Variants in GARRE1 observed in about 807,000 individuals in gnomAD.
The protein encoded by GARRE1 is granule associated Rac and RHOG effector protein 1.
GARRE1 carries 49 observed loss-of-function variants against 103.2 expected under a neutral mutation model. That is an observed-to-expected ratio of 0.47 (90% CI 0.38 to 0.60). GARRE1 has a LOEUF of 0.60. GARRE1 is among the 20% of genes least tolerant of loss of function. The pLI is 0.00. For missense variants in GARRE1, 1,199 were observed against 1,370.5 expected, an observed-to-expected ratio of 0.87 and a Z score of 1.98; for synonymous variants, 505 against 532.8, an observed-to-expected ratio of 0.95 and a Z score of 0.72.
At chr19:34,302,852 C>T (rs1387088720) in intron 2 of GARRE1, among the ~76,000 whole-genome samples, 4 of 148,992 alleles carry the variant, frequency 2.7e-5, no homozygotes, top group Admixed American at 6.8e-5. Context: ...TCTAGCAGTT[C>T]TCCTGCCTCA....
chr19:34,323,594 G>A (rs1198689005), intron 3 of GARRE1, among the ~76,000 whole-genome samples: 11 of 152,142 alleles, frequency 7.2e-5, no homozygotes, highest in Admixed American at 7.2e-4. Context: ...GGTGGGACCT[G>A]TTAGCTTTAT....
intron 1 of GARRE1, among the ~76,000 whole-genome samples, chr19:34,277,905 C>A (rs796609501): frequency 7.4e-5 from 6 of 80,630 alleles, no homozygotes; most frequent in Middle Eastern, 7.7e-3. Flanking sequence ...GATTTCACCC[C>A]CCCCCCCCAC....
intron 9 of GARRE1, 41 bp downstream of exon 9, chr19:34,340,033 A>G (rs532390363): frequency 9.3e-6 from 15 of 1,610,184 alleles, no homozygotes; most frequent in Admixed American, 5.0e-5. Context: ...ACCGAGGGAC[A>G]GTGTGACTAT....
chr19:34,284,135 T>C (rs1411787929), intron 1 of GARRE1, among the ~76,000 whole-genome samples: 15 of 140,494 alleles, frequency 1.1e-4, no homozygotes, highest in East Asian at 1.0e-3. Flanking sequence ...TTCTTTTTTT[T>C]TTTTTTTTTT....
At chr19:34,304,938 C>T (rs1183897747) in intron 2 of GARRE1, among the ~76,000 whole-genome samples, 2 of 151,476 alleles carry the variant, frequency 1.3e-5, no homozygotes, top group East Asian at 2.0e-4. Context: ...ACTGCAGGCG[C>T]CCGCCACCAC....
intron 6 of GARRE1, among the ~76,000 whole-genome samples, chr19:34,329,936 A>C (rs975560041): frequency 6.6e-6 from 1 of 152,042 alleles, no homozygotes; most frequent in African/African-American, 2.4e-5. Context: ...AAATTAGCTG[A>C]GTGTGGTGGT....
Position 34,297,558 on chromosome 19 carries a change from T to TA in GARRE1, c.-795-2120dup, listed in dbSNP as rs983008164. On this transcript the variant is annotated intron_variant, in intron 1 of 13. Transcript: ENST00000299505. Reference sequence around the variant, plus strand: ...AAGCTGGTGCACCACTGAACAAAGATAGAGTGTTTCTCAGGGCTGCATAAG... The same window carrying TA: ...AAGCTGGTGCACCACTGAACAAAGATAAGAGTGTTTCTCAGGGCTGCATAAG... Among the ~76,000 whole-genome samples the TA allele has an allele frequency of 2.6e-5, 4 of 152,218 alleles. No individual in the cohort carries two copies. In the East Asian group the frequency reaches 5.8e-4, roughly 22 times the overall value.
chr19:34,265,266 G>A (rs2073744732), intron 1 of GARRE1, among the ~76,000 whole-genome samples: 1 of 152,214 alleles, frequency 6.6e-6, no homozygotes, highest in South Asian at 2.1e-4. Context: ...TTTGGGGAAA[G>A]CTGGCTTGGC....
intron 1 of GARRE1, among the ~76,000 whole-genome samples, chr19:34,279,008 G>C (rs888376519): frequency 6.6e-6 from 1 of 152,056 alleles, no homozygotes; most frequent in African/African-American, 2.4e-5. Flanking sequence ...CCATTGTATG[G>C]ATATACCACA....
At chr19:34,287,698 A>G (rs1432026468) in intron 1 of GARRE1, among the ~76,000 whole-genome samples, 1 of 152,182 alleles carries the variant, frequency 6.6e-6, no homozygotes, top group Non-Finnish European at 1.5e-5. Flanking sequence ...GTTTAAGATC[A>G]GGGTGCCAGC....
chr19:34,339,722 G>A, intron 8 of GARRE1, 145 bp from the exon 9 acceptor site: 1 of 913,438 alleles, frequency 1.1e-6, no homozygotes, highest in Non-Finnish European at 1.7e-6. Flanking sequence ...GATCAGCCCT[G>A]TTGTTCTCTC....
At chr19:34,306,544 C>A (rs950510072) in intron 2 of GARRE1, among the ~76,000 whole-genome samples, 11 of 152,286 alleles carry the variant, frequency 7.2e-5, no homozygotes, top group East Asian at 1.9e-4. Flanking sequence ...CTATACTCAC[C>A]AGTGACTTTG....
chr19:34,311,936 A>G (rs1460877777), intron 2 of GARRE1, among the ~76,000 whole-genome samples: 1 of 151,660 alleles, frequency 6.6e-6, no homozygotes, highest in Non-Finnish European at 1.5e-5. Flanking sequence ...AAGCCACTGT[A>G]TTGGTTTTGG....
intron 1 of GARRE1, among the ~76,000 whole-genome samples, chr19:34,294,737 C>T (rs1036058206): frequency 6.6e-6 from 1 of 152,146 alleles, no homozygotes; most frequent in African/African-American, 2.4e-5. Context: ...CAGAGTCTCT[C>T]TCTGTCGCCC....
intron 10 of GARRE1, among the ~76,000 whole-genome samples, chr19:34,347,426 C>T (rs902892036): frequency 6.6e-6 from 1 of 152,086 alleles, no homozygotes; most frequent in Non-Finnish European, 1.5e-5. Flanking sequence ...GAGGTTTTGC[C>T]GTGTTGGCCA....
At chr19:34,311,019 G>C (rs2074033870) in intron 2 of GARRE1, among the ~76,000 whole-genome samples, 1 of 151,806 alleles carries the variant, frequency 6.6e-6, no homozygotes, top group East Asian at 1.9e-4. Context: ...CGCAAGACAG[G>C]GTTTCACTTT....
intron 1 of GARRE1, among the ~76,000 whole-genome samples, chr19:34,260,500 A>G (rs1172491009): frequency 2.6e-5 from 4 of 151,752 alleles, no homozygotes; most frequent in Non-Finnish European, 1.5e-5. Context: ...CACCTTTTCT[A>G]TGACAAGGAT....
rs562234019 is a variant in GARRE1 at position 34,331,804 on chromosome 19, G to A, written c.1263+1457G>A. The stretch of plus-strand genomic sequence containing the variant: ...AGGTCAGGAGTTCAAGACCAGCCTG[G>A]CCAATATGGCGAAACCTCGTCTCTA... On this transcript the variant is annotated intron_variant, in intron 7 of 13. Coordinates refer to ENST00000299505, the MANE Select transcript of GARRE1 (RefSeq NM_014686.5). Among the ~76,000 whole-genome samples the A allele has an allele frequency of 9.9e-5, 15 of 152,132 alleles. No individual in the cohort carries two copies. In the East Asian group the frequency reaches 2.3e-3, roughly 24 times the overall value.
At chr19:34,345,663 T>C (rs1457336957) in intron 10 of GARRE1, among the ~76,000 whole-genome samples, 1 of 151,686 alleles carries the variant, frequency 6.6e-6, no homozygotes, top group African/African-American at 2.4e-5. Context: ...CTACCAAAAA[T>C]ACAAAAAAAT....
Sources: allele counts gnomAD v4.1 joint callset (sites outside exome capture counted in the v4.1 genomes callset), GRCh38; gene constraint gnomAD v4.1.1; transcripts MANE v1.5; gene names NCBI Gene and HGNC (gene_info 2026-07-23, HGNC 2026-07-21).